The following PKHD1 variants were observed in gnomAD, a reference collection of about 807,000 sequenced individuals.
PKHD1 encodes the protein fibrocystin.
In PKHD1, 291 loss-of-function variants were observed where a neutral mutation model predicts 412.0. That is an observed-to-expected ratio of 0.71 (90% CI 0.64 to 0.78). The LOEUF is 0.78. Ranked by LOEUF, PKHD1 falls within the 30% of genes least tolerant of loss-of-function variation. The pLI, the probability that PKHD1 is intolerant of heterozygous loss-of-function variation, is 0.00. For missense variants in PKHD1, 4,825 were observed against 4,950.7 expected (o/e 0.97, Z 0.76); for synonymous variants, 1,777 against 1,821.5 (o/e 0.98, Z 0.62).
At chr6:52,013,929 G>A (rs1253115308) in intron 34 of PKHD1, among the ~76,000 whole-genome samples, 1 of 152,172 alleles carries the variant, frequency 6.6e-6, no homozygotes, top group Non-Finnish European at 1.5e-5. Context: ...AACCCACAAA[G>A]CTCAGCCAGG....
At chr6:51,932,721 T>C (rs758729939) in intron 37 of PKHD1, among the ~76,000 whole-genome samples, 31 of 152,330 alleles carry the variant, frequency 2.0e-4, no homozygotes, top group Non-Finnish European at 3.7e-4. Context: ...CATTTTGAAT[T>C]TCTATCCAGT....
chr6:51,798,545 G>C (rs769687321), intron 52 of PKHD1, among the ~76,000 whole-genome samples: 1 of 152,016 alleles, frequency 6.6e-6, no homozygotes, highest in Non-Finnish European at 1.5e-5. Context: ...TTCTCTGGTT[G>C]CCTTTAACAT....
At chr6:52,053,953 G>T in intron 20 of PKHD1, 85 bp downstream of exon 20, 1 of 1,378,582 alleles carries the variant, frequency 7.3e-7, no homozygotes. Context: ...AAGACCATTA[G>T]TGCCTGAGGT....
intron 13 of PKHD1, among the ~76,000 whole-genome samples, chr6:52,063,218 A>C (rs9463753): frequency 0.32 from 48,798 of 152,058 alleles, 8,493 homozygotes; most frequent in African/African-American, 0.45. Context: ...GTATTAATTT[A>C]TATTTTGTGT....
chr6:52,025,674 G>A lies in PKHD1; in HGVS notation c.4136C>T (p.Ser1379Phe). Reference sequence around the variant, plus strand: ...CACTGCAAATTGCTGGAGCACCACAGACATATTAGCAAATCCCATCTGCTT... The same window carrying A: ...CACTGCAAATTGCTGGAGCACCACAAACATATTAGCAAATCCCATCTGCTT... ...RQKQMGFANM[S>F]VVLQQFAVMP... The change falls in exon 32 of 67, where the codon TCT becomes TTT. Residue 1379 changes from serine to phenylalanine, a missense_variant. Coordinates refer to ENST00000371117, the MANE Select transcript of PKHD1 (RefSeq NM_138694.4). 1 of 1,614,182 alleles carries A rather than the reference G, an allele frequency of 6.2e-7. No individual in the cohort carries two copies. The highest frequency in any genetic ancestry group is 1.1e-5 in the South Asian group (1 of 91,084).
chr6:51,619,024 A>G lies in PKHD1; in HGVS notation c.*57T>C. 3 of 1,496,226 alleles carry G rather than the reference A, an allele frequency of 2.0e-6. No homozygotes were observed. Among genetic ancestry groups the G allele is most frequent in the Non-Finnish European group, 2.8e-6 (3 of 1,073,868 alleles). The allele number at this position is 1,496,226 out of a possible 1,614,324, so 92.7% of individuals were successfully genotyped here. On this transcript the variant is annotated 3_prime_UTR_variant, in exon 67 of 67. Transcript: ENST00000371117. ...ACAGTCCTCACTTCCCCAGCTTATT[A>G]TCCAGAAATACTGGGAACATTCTGC...
chr6:51,823,129 G>A (rs1182169925), intron 52 of PKHD1, among the ~76,000 whole-genome samples: 28 of 151,480 alleles, frequency 1.8e-4, no homozygotes, highest in Non-Finnish European at 7.4e-5. Flanking sequence ...TGCAACTAAA[G>A]GAAAGCATCA....
chr6:51,953,443 A>G (rs1396600272), intron 36 of PKHD1, among the ~76,000 whole-genome samples: 4 of 152,100 alleles, frequency 2.6e-5, no homozygotes, highest in Non-Finnish European at 5.9e-5. Flanking sequence ...CCTGATGCAC[A>G]AAGAGATCAC....
At position 52,082,469 on chromosome 6, in the gene PKHD1, C is replaced by T. The variant is rs770342912; in HGVS notation, c.204G>A (p.Val68=). Residue 68 remains valine, a synonymous_variant, in exon 4 of 67, where the codon GTG becomes GTA. Transcript: ENST00000371117. ...AGGGAACACTCCGCAGTGCGGGCAC[C>T]ACCATGTTCACGTTCACCAGGTGTA... The part of the protein sequence containing the change: ...LEIHLVNVNM[V]VPALRSVPCD... The T allele has an allele frequency of 6.2e-7, 1 of 1,614,034 alleles. No individual in the cohort carries two copies. The highest frequency in any genetic ancestry group is 8.5e-7 in the Non-Finnish European group (1 of 1,179,924).
Position 51,631,927 on chromosome 6 carries a change from C to CTTTTT in PKHD1, c.11665+633_11665+637dup, listed in dbSNP as rs1277193806. ...GGAGAGGATGACATTTCCCCGGATT[C>CTTTTT]TTTTTTTTTTTCTTTTTTTTTTTTT... On this transcript the variant is annotated intron_variant, in intron 65 of 66. Coordinates refer to ENST00000371117, the MANE Select transcript of PKHD1 (RefSeq NM_138694.4). 3.7e-3 allele frequency among the ~76,000 whole-genome samples: 514 copies of CTTTTT among 137,586 alleles called. 16 individuals are homozygous for CTTTTT. The highest frequency in any genetic ancestry group is 0.013 in the African/African-American group (471 of 36,468). The allele number at this position is 137,586 out of a possible 152,430, so 90.3% of individuals were successfully genotyped here. A position where few individuals can be genotyped will look rare whatever the true frequency, so the allele number is the denominator to read the frequency against.
At chr6:52,014,997 T>C (rs920244214) in intron 34 of PKHD1, among the ~76,000 whole-genome samples, 2 of 152,186 alleles carry the variant, frequency 1.3e-5, no homozygotes, top group African/African-American at 4.8e-5. Flanking sequence ...TCCAACCACC[T>C]AGAGATAGGC....
intron 37 of PKHD1, among the ~76,000 whole-genome samples, chr6:51,932,893 C>T (rs777829184): frequency 2.0e-5 from 3 of 152,102 alleles, no homozygotes; most frequent in Non-Finnish European, 4.4e-5. Context: ...ATGATTGGGG[C>T]CTGTGGTCGG....
At chr6:51,836,036 A>T (rs1319929036) in intron 51 of PKHD1, among the ~76,000 whole-genome samples, 1 of 152,102 alleles carries the variant, frequency 6.6e-6, no homozygotes. Flanking sequence ...GATTTCCTGA[A>T]ATTACCAGGA....
At chr6:51,982,474 C>T (rs1306670233) in intron 35 of PKHD1, among the ~76,000 whole-genome samples, 1 of 135,980 alleles carries the variant, frequency 7.4e-6, no homozygotes, top group African/African-American at 2.6e-5. Flanking sequence ...AAGAAAAATT[C>T]TTCTGCCTTG....
rs1247363369 is a variant in PKHD1, at chr6:52,035,717, C to T, written c.3102G>A (p.Gly1034=). ...TAGAGCCTCGGATGGTGGCCCAGAGCCCTCCTGTAACAAAAACAGCATATT... is the reference window on the plus strand; with the variant it reads ...TAGAGCCTCGGATGGTGGCCCAGAGTCCTCCTGTAACAAAAACAGCATATT... ...VEPSRAADIG[G]LWATIRGSSL... is the part of the protein sequence containing the mutation. The change falls in exon 28 of 67, where the codon GGG becomes GGA. Residue 1034 remains glycine (G), a synonymous_variant. Coordinates refer to ENST00000371117, the MANE Select transcript of PKHD1 (RefSeq NM_138694.4). 1 of 1,613,844 alleles carries T rather than the reference C, an allele frequency of 6.2e-7. No individual in the cohort carries two copies. The highest frequency in any genetic ancestry group is 1.1e-5 in the South Asian group (1 of 91,064).
At chr6:51,620,441 A>G (rs1766462130) in intron 66 of PKHD1, among the ~76,000 whole-genome samples, 1 of 152,134 alleles carries the variant, frequency 6.6e-6, no homozygotes, top group Non-Finnish European at 1.5e-5. Flanking sequence ...GTCACTATTC[A>G]TATGCCTTAC....
intron 60 of PKHD1, among the ~76,000 whole-genome samples, chr6:51,660,564 A>G (rs191075531): frequency 5.1e-4 from 78 of 152,288 alleles, no homozygotes; most frequent in African/African-American, 1.9e-3. Flanking sequence ...AACTGGCTAT[A>G]TAAATCAGGG....
intron 34 of PKHD1, among the ~76,000 whole-genome samples, chr6:52,011,848 C>T (rs1172762535): frequency 6.6e-6 from 1 of 152,182 alleles, no homozygotes; most frequent in Non-Finnish European, 1.5e-5. Context: ...TAACATCATG[C>T]CACCCATATC....
At chr6:51,857,722 G>C (rs762623604) in intron 48 of PKHD1, among the ~76,000 whole-genome samples, 3 of 152,118 alleles carry the variant, frequency 2.0e-5, no homozygotes, top group Non-Finnish European at 4.4e-5. Flanking sequence ...ATGCCTAGAG[G>C]TTTATTCAGG....
Sources: gnomAD v4.1 joint callset for allele counts (sites outside exome capture counted in the v4.1 genomes callset) on GRCh38, gnomAD v4.1.1 for gene constraint, MANE v1.5 for transcripts, NCBI Gene and HGNC (gene_info 2026-07-23, HGNC 2026-07-21) for gene names.